The following HNRNPA1 variants were observed in gnomAD, a reference collection of about 807,000 sequenced individuals.
HNRNPA1 encodes heterogeneous nuclear ribonucleoprotein A1, also known as epididymis secretory sperm binding protein.
HNRNPA1 carries 7 observed loss-of-function variants against 44.4 expected under a neutral mutation model. That is an observed-to-expected ratio of 0.16 (90% CI 0.09 to 0.30). The LOEUF is 0.30. Among genes scored for constraint, HNRNPA1 ranks in the 10% least tolerant of loss-of-function variants. HNRNPA1 has a pLI of 1.00. For synonymous variants in HNRNPA1, 169 were observed against 160.6 expected, an observed-to-expected ratio of 1.05 and a Z score of -0.40; for missense variants, 193 against 465.8, an observed-to-expected ratio of 0.41 and a Z score of 5.39.
chr12:54,282,464 T>C lies in HNRNPA1; in HGVS notation c.561T>C (p.Ala187=), dbSNP rs1944189339. The C allele has an allele frequency of 1.2e-6, 2 of 1,613,192 alleles. No homozygotes were observed. Among genetic ancestry groups the C allele is most frequent in the Admixed American group, 1.7e-5 (1 of 60,028 alleles). The change falls in exon 5 of 11, where the codon GCT becomes GCC. Residue 187 remains alanine (A), a synonymous_variant. Transcript: ENST00000340913. ...VRKALSKQEM[A]SASSSQRGRS... ...AAGCCCTGTCAAAGCAAGAGATGGCTAGTGCTTCATCCAGCCAAAGAGGTA... is the reference window on the plus strand; with the variant it reads ...AAGCCCTGTCAAAGCAAGAGATGGCCAGTGCTTCATCCAGCCAAAGAGGTA...
chr12:54,282,940 G>A (rs1944200199), intron 7 of HNRNPA1, 66 bp downstream of exon 7: 1 of 1,494,164 alleles, frequency 6.7e-7, no homozygotes, highest in Admixed American at 2.1e-5. Context: ...TAGGTTAGTA[G>A]AGACTAAAAT....
intron 7 of HNRNPA1, 42 bp downstream of exon 7, chr12:54,282,916 C>A: frequency 6.6e-7 from 1 of 1,525,560 alleles, no homozygotes; most frequent in Non-Finnish European, 8.8e-7. Flanking sequence ...TCCTGGCAAC[C>A]TGGATCTTTA....
In HNRNPA1 at chr12:54,281,424, T is replaced by C. The variant is rs1944168019; in HGVS notation, c.54T>C (p.Ile18=). ...KEPEQLRKLF[I]GGLSFETTDE... ...CCGAACAGCTGAGGAAGCTCTTCAT[T>C]GGAGGGTTGAGCTTTGAAACAACTG... The change falls in exon 2 of 11, where the codon ATT becomes ATC. Residue 18 remains isoleucine, a synonymous_variant. Transcript: ENST00000340913. 2 of 1,609,848 alleles carry C rather than the reference T, an allele frequency of 1.2e-6. No individual in the cohort carries two copies. The highest frequency in any genetic ancestry group is 8.5e-7 in the Non-Finnish European group (1 of 1,177,312).
At chr12:54,283,742 A>G (rs1484570139) in intron 8 of HNRNPA1, 70 bp from the exon 9 acceptor site, 60 of 1,446,338 alleles carry the variant, frequency 4.1e-5, no homozygotes, top group Non-Finnish European at 5.5e-5. Context: ...TTTTATTCTG[A>G]CTGCTAAACA....
At chr12:54,282,369 T>C (rs1944187191) in intron 4 of HNRNPA1, 25 bp from the exon 5 acceptor site, 3 of 1,609,946 alleles carry the variant, frequency 1.9e-6, no homozygotes, top group Non-Finnish European at 2.6e-6. Flanking sequence ...CCTGATACCA[T>C]GTTGTATCTA....
At chr12:54,283,012 GTTACAC>G in intron 7 of HNRNPA1, 61 bp from the exon 8 acceptor site, 2 of 1,569,530 alleles carry the variant, frequency 1.3e-6, no homozygotes, top group African/African-American at 1.3e-5. Context: ...GCCTTCAGCC[GTTACAC>G]TTGCACAAGT....
At chr12:54,281,352 G>A (rs778592922) in intron 1 of HNRNPA1, 34 bp from the exon 2 acceptor site, 1 of 1,120,176 alleles carries the variant, frequency 8.9e-7, no homozygotes. Context: ...TCGTGTTGTA[G>A]CCCATTTAAC....
At chr12:54,284,035 C>CTG (rs1944224976) in intron 9 of HNRNPA1, 68 bp downstream of exon 9, 1 of 1,539,782 alleles carries the variant, frequency 6.5e-7, no homozygotes, top group African/African-American at 1.4e-5. Flanking sequence ...GAAGAAAGCC[C>CTG]TTTAACTGCT....
chr12:54,284,389 C>T, intron 10 of HNRNPA1, 72 bp downstream of exon 10: 3 of 1,243,168 alleles, frequency 2.4e-6, no homozygotes, highest in South Asian at 1.2e-5. Context: ...CCTAATGTAG[C>T]TGAGCAGTGC....
intron 8 of HNRNPA1, 186 bp from the exon 9 acceptor site, chr12:54,283,626 C>T (rs1406044739): frequency 1.1e-5 from 7 of 644,748 alleles, no homozygotes; most frequent in Admixed American, 2.8e-5. Context: ...GGCCAGTTTT[C>T]TTTGTATTAC....
rs998376084 is a variant in HNRNPA1 at position 54,286,319 on chromosome 12, T to C, written c.*1775T>C. 2.0e-5 allele frequency: 3 copies of C among 152,180 alleles called. No individual in the cohort carries two copies. Among genetic ancestry groups the C allele is most frequent in the African/African-American group, 7.2e-5 (3 of 41,442 alleles). 9.4% of individuals were successfully genotyped at this position (152,180 alleles called of 1,614,324 possible). On this transcript the variant is annotated 3_prime_UTR_variant, in exon 11 of 11. Transcript: ENST00000340913. ...CAGATTTTACTTACATCCATATAGT[T>C]ACTTAAAGTCCAGTTTTCTGTTAAA...
intron 1 of HNRNPA1, 72 bp from the exon 2 acceptor site, chr12:54,281,314 G>C (rs1944164762): frequency 2.3e-6 from 2 of 857,946 alleles, no homozygotes; most frequent in Non-Finnish European, 3.9e-6. Flanking sequence ...TTGGTGTCTA[G>C]TTTTTCTTTT....
chr12:54,286,304 TTACA>T lies in HNRNPA1; in HGVS notation c.*1762_*1765del, dbSNP rs1383463584. On this transcript the variant is annotated 3_prime_UTR_variant, in exon 11 of 11. Transcript: ENST00000340913. The stretch of plus-strand genomic sequence containing the variant: ...GCGGGTAGGTAAGAACAGATTTTAC[TTACA>T]TCCATATAGTTACTTAAAGTCCAGT... The T allele has an allele frequency of 6.6e-6, 1 of 152,184 alleles. No homozygotes were observed. The highest frequency in any genetic ancestry group is 1.5e-5 in the Non-Finnish European group (1 of 68,040). The allele number at this position is 152,184 out of a possible 1,614,324, so 9.4% of individuals were successfully genotyped here. A position where few individuals can be genotyped will look rare whatever the true frequency, so the allele number is the denominator to read the frequency against.
At chr12:54,282,355 A>G (rs1592171723) in intron 4 of HNRNPA1, 39 bp from the exon 5 acceptor site, 1 of 1,610,408 alleles carries the variant, frequency 6.2e-7, no homozygotes, top group South Asian at 1.1e-5. Context: ...ATGGCATTCT[A>G]AACCCTGATA....
rs1486571333 is a variant in HNRNPA1 at position 54,281,953 on chromosome 12, T to A, written c.279+12T>A. On this transcript the variant is annotated intron_variant, in intron 3 of 10. Coordinates refer to ENST00000340913, the MANE Select transcript of HNRNPA1 (RefSeq NM_031157.4). ...CTGTCTCCAGAGAAGTGAGTGGGTT[T>A]TTTTTCTTCTTCTTCTTAAACTTAC... The A allele has an allele frequency of 1.9e-6, 3 of 1,612,366 alleles. No individual in the cohort carries two copies. The highest frequency in any genetic ancestry group is 2.5e-6 in the Non-Finnish European group (3 of 1,179,850).
Position 54,280,769 on chromosome 12 carries a change from C to A in HNRNPA1, c.-39C>A, listed in dbSNP as rs749325060. On this transcript the variant is annotated 5_prime_UTR_variant, in exon 1 of 11. Transcript: ENST00000340913. ...GCTCCTTTCTGCCCGTGGACGCCGC[C>A]GAAGAAGCATCGTTAAAGTCTCTCT... 6.2e-7 allele frequency: 1 copy of A among 1,613,884 alleles called. No homozygotes were observed. Among genetic ancestry groups the A allele is most frequent in the Middle Eastern group, 1.7e-4 (1 of 6,058 alleles).
rs1592176416 is a variant in HNRNPA1 at position 54,287,074 on chromosome 12, C to A, written c.*2530C>A. On this transcript the variant is annotated 3_prime_UTR_variant, in exon 11 of 11. Transcript: ENST00000340913. Reference sequence around the variant, plus strand: ...TGAATGGGTTTTTTTTTTTAATAAACTGTATTTAACTTAGTTCTGCTTGTT... The same window carrying A: ...TGAATGGGTTTTTTTTTTTAATAAAATGTATTTAACTTAGTTCTGCTTGTT... 3 of 151,562 alleles carry A rather than the reference C, an allele frequency of 2.0e-5. No individual in the cohort carries two copies. In the South Asian group the frequency reaches 6.2e-4, roughly 31 times the overall value. The allele number at this position is 151,562 out of a possible 1,614,324, so 9.4% of individuals were successfully genotyped here.
In HNRNPA1 at chr12:54,280,753, T is replaced by A; in HGVS notation, c.-55T>A. The stretch of plus-strand genomic sequence containing the variant: ...ATACGTTCGTCAGCTTGCTCCTTTC[T>A]GCCCGTGGACGCCGCCGAAGAAGCA... On this transcript the variant is annotated 5_prime_UTR_variant, in exon 1 of 11. Coordinates refer to ENST00000340913, the MANE Select transcript of HNRNPA1 (RefSeq NM_031157.4). 3 of 1,610,976 alleles carry A rather than the reference T, an allele frequency of 1.9e-6. No homozygotes were observed. The South Asian group carries it at 3.3e-5, about 18-fold the overall frequency.
chr12:54,281,239 C>T (rs1944162083), intron 1 of HNRNPA1, 147 bp from the exon 2 acceptor site: 2 of 720,410 alleles, frequency 2.8e-6, no homozygotes, highest in East Asian at 2.5e-5. Flanking sequence ...CATACGGCCT[C>T]CCTTGATAGG....
Sources: gnomAD v4.1 joint callset for allele counts on GRCh38, gnomAD v4.1.1 for gene constraint, MANE v1.5 for transcripts, NCBI Gene and HGNC (gene_info 2026-07-23, HGNC 2026-07-21) for gene names.